CCNY: variants seen among roughly 807,000 people sequenced by gnomAD.
CCNY encodes the protein cyclin Y.
In CCNY, 19 loss-of-function variants were observed where a neutral mutation model predicts 42.8. That is an observed-to-expected ratio of 0.44 (90% CI 0.31 to 0.65). The LOEUF (loss-of-function observed/expected upper bound fraction) is 0.65, where lower values mean the gene tolerates loss of function less well. Among genes scored for constraint, CCNY ranks in the 30% least tolerant of loss-of-function variants. The pLI, the probability that CCNY is intolerant of heterozygous loss-of-function variation, is 0.07. For synonymous variants in CCNY, 165 were observed against 162.7 expected, an observed-to-expected ratio of 1.01 and a Z score of -0.11; for missense variants, 370 against 437.3, an observed-to-expected ratio of 0.85 and a Z score of 1.37.
chr10:35,521,207 C>T (rs1160166094), intron 4 of CCNY, among the ~76,000 whole-genome samples: 2 of 152,204 alleles, frequency 1.3e-5, no homozygotes, highest in African/African-American at 4.8e-5. Flanking sequence ...CTGAGCAAAC[C>T]CTATAGTCCA....
intron 3 of CCNY, among the ~76,000 whole-genome samples, chr10:35,324,561 A>G (rs1451370907): frequency 6.6e-6 from 1 of 152,240 alleles, no homozygotes; most frequent in Non-Finnish European, 1.5e-5. Flanking sequence ...CATTGAAAAG[A>G]GTTTGTAAGC....
At position 35,497,288 on chromosome 10, in the gene CCNY, T is replaced by G. The variant is rs568399051; in HGVS notation, c.230-4213T>G. Among the ~76,000 whole-genome samples, 5 of 152,356 alleles carry G rather than the reference T, an allele frequency of 3.3e-5. No individual in the cohort carries two copies. The South Asian group carries it at 8.3e-4, about 25-fold the overall frequency. ...ACTAAAACCACCTATTAGAAATGAG[T>G]TGGCATATTGCTTATACCATTACAT... On this transcript the variant is annotated intron_variant, in intron 2 of 9. Coordinates refer to ENST00000374704, the MANE Select transcript of CCNY (RefSeq NM_145012.6).
chr10:35,453,916 G>T (rs192707913), intron 1 of CCNY, among the ~76,000 whole-genome samples: 1 of 152,220 alleles, frequency 6.6e-6, no homozygotes, highest in East Asian at 1.9e-4. Flanking sequence ...TTGTCTTTAT[G>T]CATTTCATAA....
chr10:35,272,590 G>C (rs1050833555), intron 3 of CCNY, among the ~76,000 whole-genome samples: 2 of 152,192 alleles, frequency 1.3e-5, no homozygotes, highest in African/African-American at 4.8e-5. Flanking sequence ...TTCCTGCAAA[G>C]GACATGATGT....
chr10:35,511,842 G>A (rs1046218802), intron 3 of CCNY, among the ~76,000 whole-genome samples: 11 of 152,130 alleles, frequency 7.2e-5, no homozygotes, highest in Admixed American at 4.6e-4. Context: ...GAAGTGAACC[G>A]TGAACCTGGA....
intron 7 of CCNY, among the ~76,000 whole-genome samples, chr10:35,540,825 C>G (rs1195347903): frequency 6.6e-6 from 1 of 152,104 alleles, no homozygotes; most frequent in Non-Finnish European, 1.5e-5. Context: ...CACAGTATTC[C>G]TTTATGATTC....
chr10:35,417,116 C>G (rs1265742309), intron 1 of CCNY, among the ~76,000 whole-genome samples: 1 of 152,194 alleles, frequency 6.6e-6, no homozygotes, highest in Non-Finnish European at 1.5e-5. Context: ...TTCTTATGCT[C>G]CATTGTGGCC....
chr10:35,398,705 A>G (rs1837578695), intron 1 of CCNY, among the ~76,000 whole-genome samples: 1 of 147,734 alleles, frequency 6.8e-6, no homozygotes, highest in Admixed American at 6.7e-5. Flanking sequence ...TTTTTGTCTA[A>G]AAACAAAACA....
chr10:35,288,347 A>G (rs752129333), intron 3 of CCNY, among the ~76,000 whole-genome samples: 1 of 151,950 alleles, frequency 6.6e-6, no homozygotes, highest in Non-Finnish European at 1.5e-5. Flanking sequence ...TATTTGTATT[A>G]TTGGGTAATT....
At chr10:35,412,809 C>T (rs927064834) in intron 1 of CCNY, among the ~76,000 whole-genome samples, 28 of 137,636 alleles carry the variant, frequency 2.0e-4, no homozygotes, top group African/African-American at 6.9e-4. Flanking sequence ...TGCAGTGAGC[C>T]GAGATCACGC....
intron 7 of CCNY, among the ~76,000 whole-genome samples, chr10:35,547,589 A>G (rs1023368052): frequency 2.0e-5 from 3 of 152,134 alleles, no homozygotes; most frequent in African/African-American, 7.2e-5. Flanking sequence ...TCTTTCCTGA[A>G]TGCCATTATT....
At chr10:35,401,655 A>G (rs913077779) in intron 1 of CCNY, among the ~76,000 whole-genome samples, 4 of 152,120 alleles carry the variant, frequency 2.6e-5, no homozygotes, top group Non-Finnish European at 5.9e-5. Context: ...TGTGTGAGCA[A>G]CAAGGCTGTT....
At chr10:35,306,972 G>GTGAC (rs1835613772) in intron 3 of CCNY, among the ~76,000 whole-genome samples, 1 of 151,986 alleles carries the variant, frequency 6.6e-6, no homozygotes, top group Non-Finnish European at 1.5e-5. Flanking sequence ...CAGGGAATCA[G>GTGAC]TAAGTTCTCT....
chr10:35,503,372 A>C (rs1840149931), intron 3 of CCNY, among the ~76,000 whole-genome samples: 1 of 152,212 alleles, frequency 6.6e-6, no homozygotes, highest in African/African-American at 2.4e-5. Flanking sequence ...CTTACATAAC[A>C]GATGACCCTG....
chr10:35,272,005 G>GC (rs1554964380), intron 3 of CCNY, among the ~76,000 whole-genome samples: 1 of 152,116 alleles, frequency 6.6e-6, no homozygotes, highest in Non-Finnish European at 1.5e-5. Flanking sequence ...AAATCTCTCT[G>GC]TTTTTTTAGA....
chr10:35,254,496 A>AT (rs2095714141), intron 3 of CCNY, among the ~76,000 whole-genome samples: 1 of 151,898 alleles, frequency 6.6e-6, no homozygotes, highest in Non-Finnish European at 1.5e-5. Flanking sequence ...ATTACATGTT[A>AT]TTTTTTTCTT....
chr10:35,318,728 C>T (rs555897190), intron 3 of CCNY, among the ~76,000 whole-genome samples: 12 of 150,884 alleles, frequency 8.0e-5, no homozygotes, highest in Admixed American at 2.7e-4. Context: ...TGCGGTGATT[C>T]GAGTGGTAGA....
At chr10:35,469,632 A>AGATGGAGAGTCAGACAGGGC (rs1228509361) in intron 1 of CCNY, among the ~76,000 whole-genome samples, 1 of 150,424 alleles carries the variant, frequency 6.6e-6, no homozygotes, top group African/African-American at 2.5e-5. Flanking sequence ...AGACAGGGGG[A>AGATGGAGAGTCAGACAGGGC]GATGGAGAGT....
chr10:35,292,595 A>T (rs1356560327), intron 3 of CCNY, among the ~76,000 whole-genome samples: 1 of 152,006 alleles, frequency 6.6e-6, no homozygotes, highest in African/African-American at 2.4e-5. Context: ...TCCTGACCTC[A>T]GGTGATCCAC....
Sources: allele counts gnomAD v4.1 joint callset (sites outside exome capture counted in the v4.1 genomes callset), GRCh38; gene constraint gnomAD v4.1.1; transcripts MANE v1.5; gene names NCBI Gene and HGNC (gene_info 2026-07-23, HGNC 2026-07-21).